Variants in TIMM50 observed in about 807,000 individuals in gnomAD.
The protein encoded by TIMM50 is translocase of inner mitochondrial membrane 50.
A neutral mutation model predicts 49.6 loss-of-function variants in TIMM50; 34 were observed. The ratio of observed to expected loss-of-function variants is 0.69; its 90% CI spans 0.52 to 0.91. TIMM50 has a LOEUF of 0.91. Ranked by LOEUF, TIMM50 falls within the 40% of genes least tolerant of loss-of-function variation. The pLI is 0.00. For missense variants in TIMM50, 458 were observed against 477.8 expected, an observed-to-expected ratio of 0.96 and a Z score of 0.39; for synonymous variants, 199 against 198.4, an observed-to-expected ratio of 1.00 and a Z score of -0.03.
intron 1 of TIMM50, 35 bp downstream of exon 1, chr19:39,480,996 G>A (rs1369379232): frequency 1.3e-6 from 2 of 1,549,066 alleles, no homozygotes; most frequent in East Asian, 4.6e-5. Context: ...TGAATGTGGG[G>A]TCCCTTCCCT....
Position 39,490,548 on chromosome 19 carries a change from C to G in TIMM50, c.*728C>G, listed in dbSNP as rs1192198557. On this transcript the variant is annotated 3_prime_UTR_variant, in exon 11 of 11. Coordinates refer to ENST00000607714, the MANE Select transcript of TIMM50 (RefSeq NM_001001563.5). ...GGACTACAGGTGCGTGCTACCATAC[C>G]CAGCTAATTTAAACAAATTTTTTTT... 1.3e-5 allele frequency: 2 copies of G among 151,928 alleles called. No homozygotes were observed. The highest frequency in any genetic ancestry group is 1.3e-4 in the Admixed American group (2 of 15,210). 9.4% of individuals were successfully genotyped at this position (151,928 alleles called of 1,614,324 possible).
chr19:39,487,598 C>T lies in TIMM50; in HGVS notation c.697-463C>T, dbSNP rs141531658. On this transcript the variant is annotated intron_variant, in intron 8 of 10. Coordinates refer to ENST00000607714, the MANE Select transcript of TIMM50 (RefSeq NM_001001563.5). The stretch of plus-strand genomic sequence containing the variant: ...TCAGCCTCCCGAGTAGCTGGGACTA[C>T]AAGCACACACCACCACACCCAGCTA... 8.6e-3 allele frequency among the ~76,000 whole-genome samples: 1,307 copies of T among 152,200 alleles called. 18 individuals carry two copies. The highest frequency in any genetic ancestry group is 0.029 in the African/African-American group (1,220 of 41,510).
chr19:39,483,230 C>T, intron 4 of TIMM50, 74 bp downstream of exon 4: 2 of 1,591,382 alleles, frequency 1.3e-6, no homozygotes, highest in Non-Finnish European at 1.7e-6. Context: ...TCTCTCTCCC[C>T]ATCTGGTGTC....
At position 39,486,395 on chromosome 19, in the gene TIMM50, A is replaced by C. The variant is rs945931079; in HGVS notation, c.598-2A>C. The C allele has an allele frequency of 1.9e-6, 3 of 1,614,120 alleles. No homozygotes were observed. The highest frequency in any genetic ancestry group is 2.5e-6 in the Non-Finnish European group (3 of 1,179,990). ...CTTTTCTCGCTCCCTTCCCACCCCC[A>C]GACTGCGTTTCCACTCATTGATAGT... is the stretch of plus-strand genomic sequence containing the variant. On this transcript the variant is annotated splice_acceptor_variant, in intron 7 of 10. Coordinates refer to ENST00000607714, the MANE Select transcript of TIMM50 (RefSeq NM_001001563.5). LOFTEE classifies it high-confidence loss of function.
intron 9 of TIMM50, 96 bp from the exon 10 acceptor site, chr19:39,488,442 AC>A: frequency 8.3e-7 from 1 of 1,204,040 alleles, no homozygotes. Flanking sequence ...GGTAGCACTG[AC>A]TGCCCCCGTG....
intron 1 of TIMM50, chr19:39,481,381 C>G (rs1229181394): frequency 3.7e-6 from 1 of 267,160 alleles, no homozygotes; most frequent in African/African-American, 2.3e-5. Flanking sequence ...ATTCTGACCT[C>G]CAAGTCTATC....
intron 8 of TIMM50, among the ~76,000 whole-genome samples, chr19:39,486,786 G>A (rs151091891): frequency 2.8e-4 from 43 of 152,328 alleles, no homozygotes; most frequent in Non-Finnish European, 4.6e-4. Context: ...TGCTGTGTCT[G>A]TAACTTAGTG....
At chr19:39,488,366 T>C in intron 9 of TIMM50, 149 bp downstream of exon 9, 1 of 1,155,972 alleles carries the variant, frequency 8.7e-7, no homozygotes, top group South Asian at 1.5e-5. Flanking sequence ...AGGATGTTCA[T>C]GGAATGTTTG....
chr19:39,491,713 G>A lies in TIMM50; in HGVS notation c.*1893G>A, dbSNP rs915583895. 6.6e-6 allele frequency: 1 copy of A among 150,900 alleles called. No homozygotes were observed. Among genetic ancestry groups the A allele is most frequent in the South Asian group, 2.1e-4 (1 of 4,776 alleles). The allele number at this position is 150,900 out of a possible 1,614,324, so 9.3% of individuals were successfully genotyped here. A position where few individuals can be genotyped will look rare whatever the true frequency, so the allele number is the denominator to read the frequency against. ...TATGCATACCTGTAGTCCCAGCTACGTGAGAGGCTGAGGTGGGAGGAATCC... is the reference window on the plus strand; with the variant it reads ...TATGCATACCTGTAGTCCCAGCTACATGAGAGGCTGAGGTGGGAGGAATCC... On this transcript the variant is annotated 3_prime_UTR_variant, in exon 11 of 11. Coordinates refer to ENST00000607714, the MANE Select transcript of TIMM50 (RefSeq NM_001001563.5).
intron 4 of TIMM50, chr19:39,483,487 C>T (rs1218894608): frequency 1.2e-5 from 4 of 336,528 alleles, no homozygotes; most frequent in African/African-American, 6.4e-5. Flanking sequence ...TCCCCATCCC[C>T]CTCGAGCCCC....
chr19:39,482,815 T>C, intron 2 of TIMM50, 70 bp from the exon 3 acceptor site: 1 of 1,601,346 alleles, frequency 6.2e-7, no homozygotes, highest in Non-Finnish European at 8.6e-7. Context: ...AGGCCCCTTA[T>C]CCCACTCCTC....
At chr19:39,487,560 C>T (rs1323717298) in intron 8 of TIMM50, among the ~76,000 whole-genome samples, 1 of 152,098 alleles carries the variant, frequency 6.6e-6, no homozygotes, top group East Asian at 1.9e-4. Context: ...CAGGTTCAAG[C>T]GATTCTCTTT....
chr19:39,493,281 T>TCTCG lies in TIMM50; in HGVS notation c.*3464_*3465insGCTC, dbSNP rs2079560207. ...TTTTTTTTGTTTTTTTGAGATGGAG[T>TCTCG]CTCTGTTGCCCAGGCTGGAGTGCAG... On this transcript the variant is annotated 3_prime_UTR_variant, in exon 11 of 11. Transcript: ENST00000607714. The TCTCG allele has an allele frequency of 6.7e-6, 1 of 148,742 alleles. No homozygotes were observed. Among genetic ancestry groups the TCTCG allele is most frequent in the Non-Finnish European group, 1.5e-5 (1 of 67,062 alleles). 9.2% of individuals were successfully genotyped at this position (148,742 alleles called of 1,614,324 possible). A position where few individuals can be genotyped will look rare whatever the true frequency, so the allele number is the denominator to read the frequency against.
At position 39,488,045 on chromosome 19, in the gene TIMM50, T is replaced by C; in HGVS notation, c.697-16T>C. 6.2e-7 allele frequency: 1 copy of C among 1,600,650 alleles called. No individual in the cohort carries two copies. Reference sequence around the variant, plus strand: ...GTTGGGCACAGATGTTGACCTGATCTGTCACTCACTTCCAGGATATTTCAT... The same window carrying C: ...GTTGGGCACAGATGTTGACCTGATCCGTCACTCACTTCCAGGATATTTCAT... On this transcript the variant is annotated splice_polypyrimidine_tract_variant and intron_variant, in intron 8 of 10. Coordinates refer to ENST00000607714, the MANE Select transcript of TIMM50 (RefSeq NM_001001563.5).
chr19:39,481,848 TCTC>T (rs1312946017), intron 1 of TIMM50, 32 bp from the exon 2 acceptor site: 2 of 1,601,012 alleles, frequency 1.2e-6, no homozygotes, highest in Admixed American at 3.3e-5. Context: ...TGACCTCTCT[TCTC>T]TCTTGGCTGA....
chr19:39,487,689 G>A (rs1188770107), intron 8 of TIMM50, among the ~76,000 whole-genome samples: 1 of 152,110 alleles, frequency 6.6e-6, no homozygotes, highest in Non-Finnish European at 1.5e-5. Context: ...GAACTCCTGA[G>A]CTCAGGCAAT....
chr19:39,481,655 G>C (rs2079472785), intron 1 of TIMM50, among the ~76,000 whole-genome samples: 1 of 152,094 alleles, frequency 6.6e-6, no homozygotes, highest in African/African-American at 2.4e-5. Context: ...AGGATCCTGT[G>C]CACCTGGCCT....
intron 2 of TIMM50, among the ~76,000 whole-genome samples, 155 bp from the exon 3 acceptor site, chr19:39,482,730 A>C (rs933230138): frequency 1.3e-5 from 2 of 151,296 alleles, no homozygotes; most frequent in Non-Finnish European, 2.9e-5. Flanking sequence ...AAGACCCAGG[A>C]ATCTTGGCTC....
At chr19:39,483,271 G>A in intron 4 of TIMM50, 115 bp downstream of exon 4, 2 of 1,401,390 alleles carry the variant, frequency 1.4e-6, no homozygotes, top group East Asian at 2.3e-5. Flanking sequence ...CTGGGGAGGT[G>A]GGGGAGCCAG....
Sources: allele counts gnomAD v4.1 joint callset (sites outside exome capture counted in the v4.1 genomes callset), GRCh38; gene constraint gnomAD v4.1.1; transcripts MANE v1.5; gene names NCBI Gene and HGNC (gene_info 2026-07-23, HGNC 2026-07-21).